The following ERN2 variants were observed in gnomAD, a reference collection of about 807,000 sequenced individuals.
ERN2 encodes the protein endoplasmic reticulum to nucleus signaling 2.
A neutral mutation model predicts 107.9 loss-of-function variants in ERN2; 111 were observed. The observed-to-expected ratio is 1.03, with a 90% CI of 0.88 to 1.20. The LOEUF is 1.20. ERN2 is among the 50% of genes most tolerant of loss of function. The pLI is 0.00. For synonymous variants in ERN2, 524 were observed against 501.7 expected (o/e 1.04, Z -0.59); for missense variants, 1,225 against 1,197.9 (o/e 1.02, Z -0.33).
chr16:23,706,993 G>A lies in ERN2; in HGVS notation c.379+14C>T. On this transcript the variant is annotated intron_variant, in intron 5 of 21. Transcript: ENST00000256797. The stretch of plus-strand genomic sequence containing the variant: ...TGGCTGAACCTGGACCCCACAGGCT[G>A]AAGAGATGCTCACCTGTGTAGAAGA... 6.2e-7 allele frequency: 1 copy of A among 1,611,476 alleles called. No individual in the cohort carries two copies. The highest frequency in any genetic ancestry group is 8.5e-7 in the Non-Finnish European group (1 of 1,177,554).
chr16:23,712,704 G>A (rs966730593), intron 1 of ERN2: 38 of 197,038 alleles, frequency 1.9e-4, no homozygotes, highest in African/African-American at 8.6e-4. Flanking sequence ...AAAACTGGGC[G>A]TGCAGGCTCA....
rs1055603973 is a variant in ERN2, at chr16:23,706,371, C to T, written c.548G>A (p.Arg183His). The T allele has an allele frequency of 5.6e-5, 87 of 1,566,032 alleles. No individual in the cohort carries two copies. Among genetic ancestry groups the T allele is most frequent in the Non-Finnish European group, 6.6e-5 (76 of 1,156,942 alleles). The change falls in exon 7 of 22, where the codon CGC (arginine) becomes CAC (histidine). Residue 183 changes from arginine (R) to histidine (H), a missense_variant. Arg to His is a conservative substitution (Grantham distance 29, BLOSUM62 0). Coordinates refer to ENST00000256797, the MANE Select transcript of ERN2 (RefSeq NM_033266.4). ...ATCCATGGGGGGCGCTGAGTAGCGGCGGTAGGTGGTGTTCCAGCGCAGGGC... is the reference window on the plus strand; with the variant it reads ...ATCCATGGGGGGCGCTGAGTAGCGGTGGTAGGTGGTGTTCCAGCGCAGGGC... ...APALRWNTTY[R>H]RYSAPPMDGS... is the part of the protein sequence containing the mutation.
Position 23,706,145 on chromosome 16 carries a change from G to C in ERN2, c.589+185C>G, listed in dbSNP as rs571215165. ...TGAGGGATTGGCCAGGGTTCAGGAGGGTCAGTCTGGGTGTTGAGGGAGTCA... is the reference window on the plus strand; with the variant it reads ...TGAGGGATTGGCCAGGGTTCAGGAGCGTCAGTCTGGGTGTTGAGGGAGTCA... On this transcript the variant is annotated intron_variant, in intron 7 of 21. Transcript: ENST00000256797. 6 of 548,154 alleles carry C rather than the reference G, an allele frequency of 1.1e-5. No homozygotes were observed. In the East Asian group the frequency reaches 1.6e-4, roughly 15 times the overall value. The allele number at this position is 548,154 out of a possible 1,614,324, so 34.0% of individuals were successfully genotyped here.
intron 1 of ERN2, 110 bp downstream of exon 1, chr16:23,712,985 G>A: frequency 1.2e-6 from 1 of 804,878 alleles, no homozygotes; most frequent in Non-Finnish European, 1.9e-6. Context: ...AGGCGTGAGG[G>A]AGGGAGAGGT....
In ERN2 at chr16:23,709,252, C is replaced by T. The variant is rs773577186; in HGVS notation, c.306+920G>A. ...TCGAGGCTGCAGTGAGCCTTGTGATCGTACCACTGCACTCCAGCCTGGACA... is the reference window on the plus strand; with the variant it reads ...TCGAGGCTGCAGTGAGCCTTGTGATTGTACCACTGCACTCCAGCCTGGACA... On this transcript the variant is annotated intron_variant, in intron 4 of 21. Coordinates refer to ENST00000256797, the MANE Select transcript of ERN2 (RefSeq NM_033266.4). 35 of 448,274 alleles carry T rather than the reference C, an allele frequency of 7.8e-5. 1 individual carries two copies. The highest frequency in any genetic ancestry group is 3.4e-4 in the South Asian group (22 of 63,824). 27.8% of individuals were successfully genotyped at this position (448,274 alleles called of 1,614,324 possible).
At chr16:23,697,238 G>GA (rs1959868302) in intron 13 of ERN2, 1 of 151,662 alleles carries the variant, frequency 6.6e-6, no homozygotes, top group African/African-American at 2.4e-5. Flanking sequence ...GGATCAGTGA[G>GA]AAAACACCAA....
At chr16:23,692,734 G>GC in intron 17 of ERN2, among the ~76,000 whole-genome samples, 1 of 148,622 alleles carries the variant, frequency 6.7e-6, no homozygotes, top group South Asian at 2.1e-4. Context: ...AGCTGATTTT[G>GC]TTTTTTTTTT....
At chr16:23,709,857 T>C in intron 4 of ERN2, 1 of 243,432 alleles carries the variant, frequency 4.1e-6, no homozygotes, top group Non-Finnish European at 8.0e-6. Context: ...AGTTTTAAGC[T>C]CTTGAGTTTT....
At chr16:23,694,248 C>T (rs1397137566) in intron 17 of ERN2, among the ~76,000 whole-genome samples, 1 of 152,168 alleles carries the variant, frequency 6.6e-6, no homozygotes. Flanking sequence ...CTGCCTGCCT[C>T]GGCCTCTCAA....
chr16:23,695,017 A>T lies in ERN2; in HGVS notation c.1900+2T>A. The T allele has an allele frequency of 6.2e-7, 1 of 1,613,114 alleles. No homozygotes were observed. The highest frequency in any genetic ancestry group is 8.5e-7 in the Non-Finnish European group (1 of 1,179,456). Reference sequence around the variant, plus strand: ...AGCGGGAGGCAGGGGAAGTGCGGGTACCTATGTGTAAAGAGTGCAGGTGGG... The same window carrying T: ...AGCGGGAGGCAGGGGAAGTGCGGGTTCCTATGTGTAAAGAGTGCAGGTGGG... On this transcript the variant is annotated splice_donor_variant, in intron 16 of 21. Transcript: ENST00000256797. LOFTEE classifies it high-confidence loss of function.
At chr16:23,710,672 T>A in intron 2 of ERN2, 123 bp from the exon 3 acceptor site, 1 of 1,169,680 alleles carries the variant, frequency 8.5e-7, no homozygotes, top group Non-Finnish European at 1.3e-6. Flanking sequence ...TGTAATGCCA[T>A]CTTCCCAAAA....
chr16:23,709,052 T>G (rs998838153), intron 4 of ERN2: 35 of 394,454 alleles, frequency 8.9e-5, no homozygotes, highest in East Asian at 5.9e-4. Context: ...CTTGCCTGAT[T>G]GACACACTAA....
In ERN2 at chr16:23,692,139, G is replaced by A. The variant is rs200778438; in HGVS notation, c.2248+45C>T. The A allele has an allele frequency of 3.1e-3, 4,982 of 1,613,830 alleles. 23 individuals are homozygous for A. The highest frequency in any genetic ancestry group is 3.3e-3 in the Non-Finnish European group (3,855 of 1,180,006). On this transcript the variant is annotated intron_variant, in intron 18 of 21. Transcript: ENST00000256797. ...AGAGTCTGCTTCAGGCCTGCCTAGC[G>A]TCTTGCCCGTCCTCCCTTCTCTGCC...
chr16:23,694,519 C>T (rs934655033), intron 17 of ERN2, among the ~76,000 whole-genome samples: 2 of 152,212 alleles, frequency 1.3e-5, no homozygotes, highest in Non-Finnish European at 2.9e-5. Flanking sequence ...CAGACATTGC[C>T]TAATGTCCCC....
intron 8 of ERN2, among the ~76,000 whole-genome samples, chr16:23,703,958 C>G (rs1437618497): frequency 6.6e-6 from 1 of 152,156 alleles, no homozygotes; most frequent in Non-Finnish European, 1.5e-5. Flanking sequence ...ACATATCTGT[C>G]TCTCCCATTA....
chr16:23,701,195 C>G, intron 11 of ERN2, 81 bp from the exon 12 acceptor site: 2 of 1,449,728 alleles, frequency 1.4e-6, no homozygotes, highest in Admixed American at 4.1e-5. Context: ...CAGCACAGAG[C>G]TGGGCTTAGC....
intron 4 of ERN2, chr16:23,707,286 G>C (rs754651867): frequency 1.4e-5 from 8 of 576,296 alleles, no homozygotes; most frequent in Admixed American, 6.0e-5. Context: ...TTGAACCCAG[G>C]CAGTCAGGCT....
At chr16:23,710,083 T>A in intron 4 of ERN2, 89 bp downstream of exon 4, 1 of 865,786 alleles carries the variant, frequency 1.2e-6, no homozygotes, top group Non-Finnish European at 2.0e-6. Flanking sequence ...GAACAGGAGA[T>A]ACTGACCATA....
At chr16:23,691,270 A>G (rs532742991) in intron 20 of ERN2, 32 bp downstream of exon 20, 3 of 1,611,866 alleles carry the variant, frequency 1.9e-6, no homozygotes, top group Admixed American at 3.3e-5. Context: ...ACTCCCCTCC[A>G]CCGCCCAGGC....
Sources: gnomAD v4.1 joint callset for allele counts (sites outside exome capture counted in the v4.1 genomes callset) on GRCh38, gnomAD v4.1.1 for gene constraint, MANE v1.5 for transcripts, NCBI Gene and HGNC (gene_info 2026-07-23, HGNC 2026-07-21) for gene names.